RARB: variants seen among roughly 807,000 people sequenced by gnomAD.
RARB encodes the protein retinoic acid receptor beta.
A neutral mutation model predicts 51.9 loss-of-function variants in RARB; 17 were observed. That is an observed-to-expected ratio of 0.33 (90% CI 0.22 to 0.49). The LOEUF (loss-of-function observed/expected upper bound fraction) is 0.49. RARB is among the 20% of genes least tolerant of loss of function. The pLI is 0.99. For missense variants in RARB, 369 were observed against 550.8 expected (o/e 0.67, Z 3.30); for synonymous variants, 215 against 195.4 (o/e 1.10, Z -0.84).
intron 2 of RARB, among the ~76,000 whole-genome samples, chr3:24,867,617 C>T (rs1470190324): frequency 6.6e-6 from 1 of 152,092 alleles, no homozygotes; most frequent in Non-Finnish European, 1.5e-5. Context: ...AGCCTTTGGT[C>T]TCATGGGAAG....
At chr3:25,324,171 G>T (rs1192008966) in intron 5 of RARB, 2 of 152,630 alleles carry the variant, frequency 1.3e-5, no homozygotes, top group African/African-American at 2.4e-5. Flanking sequence ...TGGAAATGTA[G>T]ATTCCTGTGT....
At chr3:25,238,155 C>A (rs555370277) in intron 5 of RARB, among the ~76,000 whole-genome samples, 14 of 152,020 alleles carry the variant, frequency 9.2e-5, no homozygotes, top group African/African-American at 2.7e-4. Context: ...CCAGCGCCCC[C>A]CCACACATCC....
intron 5 of RARB, among the ~76,000 whole-genome samples, chr3:25,211,270 A>G (rs1251297084): frequency 6.6e-6 from 1 of 152,224 alleles, no homozygotes; most frequent in Non-Finnish European, 1.5e-5. Flanking sequence ...TGAACTGACA[A>G]CAGGGTGAGT....
intron 3 of RARB, among the ~76,000 whole-genome samples, chr3:25,091,737 C>G (rs1699203065): frequency 1.3e-5 from 2 of 152,118 alleles, no homozygotes; most frequent in East Asian, 1.9e-4. Context: ...ATGTGAACAT[C>G]TGTATAAAAA....
At chr3:24,984,936 T>C (rs1382027172) in intron 2 of RARB, among the ~76,000 whole-genome samples, 1 of 152,216 alleles carries the variant, frequency 6.6e-6, no homozygotes, top group African/African-American at 2.4e-5. Flanking sequence ...CACATGAGTT[T>C]CTCTGGGAAA....
intron 2 of RARB, among the ~76,000 whole-genome samples, chr3:25,471,119 G>T (rs1275478137): frequency 6.6e-6 from 1 of 152,080 alleles, no homozygotes; most frequent in African/African-American, 2.4e-5. Context: ...CATAGGGCTT[G>T]GGATGATACA....
intron 5 of RARB, among the ~76,000 whole-genome samples, chr3:25,302,514 C>A (rs1353381864): frequency 6.6e-6 from 1 of 152,106 alleles, no homozygotes; most frequent in Non-Finnish European, 1.5e-5. Context: ...TCACAAAGGC[C>A]CTATATTGTA....
intron 3 of RARB, among the ~76,000 whole-genome samples, chr3:25,104,366 A>G (rs1699458961): frequency 6.6e-6 from 1 of 152,152 alleles, no homozygotes; most frequent in African/African-American, 2.4e-5. Flanking sequence ...ATTCCTAGGT[A>G]TAAATAGGCA....
At chr3:25,310,082 TG>T (rs1704252433) in intron 5 of RARB, among the ~76,000 whole-genome samples, 1 of 152,180 alleles carries the variant, frequency 6.6e-6, no homozygotes, top group African/African-American at 2.4e-5. Context: ...CCTGTGAATT[TG>T]GAGTGAAAAT....
intron 2 of RARB, among the ~76,000 whole-genome samples, chr3:24,928,762 T>C (rs993102498): frequency 1.3e-5 from 2 of 152,024 alleles, no homozygotes; most frequent in African/African-American, 4.8e-5. Context: ...TTAGATTCTC[T>C]CCAATGATAA....
At chr3:25,341,903 A>G (rs767020192) in intron 5 of RARB, among the ~76,000 whole-genome samples, 6 of 151,792 alleles carry the variant, frequency 4.0e-5, no homozygotes, top group Admixed American at 6.6e-5. Context: ...TAATATCCTC[A>G]TTTTACTTTG....
chr3:25,478,605 T>C (rs77039298), intron 2 of RARB, among the ~76,000 whole-genome samples: 1 of 152,336 alleles, frequency 6.6e-6, no homozygotes, highest in African/African-American at 2.4e-5. Context: ...TAAGCTGCTG[T>C]GAGTGCGTTC....
At chr3:24,924,850 C>G (rs1278364381) in intron 2 of RARB, among the ~76,000 whole-genome samples, 3 of 152,086 alleles carry the variant, frequency 2.0e-5, no homozygotes, top group African/African-American at 7.2e-5. Context: ...CTTATCCTTA[C>G]AGGGGTGCTG....
intron 3 of RARB, among the ~76,000 whole-genome samples, chr3:25,502,286 G>A (rs1438775892): frequency 6.6e-6 from 1 of 152,226 alleles, no homozygotes; most frequent in Non-Finnish European, 1.5e-5. Context: ...AATGGAGTTG[G>A]AGGAATTACA....
intron 5 of RARB, among the ~76,000 whole-genome samples, chr3:25,306,859 T>C (rs917517033): frequency 6.6e-6 from 1 of 152,208 alleles, no homozygotes; most frequent in Non-Finnish European, 1.5e-5. Context: ...AAATCAGAAG[T>C]CATTTGTCTA....
intron 3 of RARB, among the ~76,000 whole-genome samples, chr3:25,551,199 A>G (rs1416224854): frequency 6.6e-6 from 1 of 152,134 alleles, no homozygotes; most frequent in Admixed American, 6.6e-5. Flanking sequence ...AGCAGTTCAC[A>G]AGGTATTATA....
At chr3:25,483,069 G>GCTA (rs1186683039) in intron 2 of RARB, among the ~76,000 whole-genome samples, 3 of 152,136 alleles carry the variant, frequency 2.0e-5, no homozygotes, top group African/African-American at 7.2e-5. Context: ...GTGGCTAGTG[G>GCTA]CTACTGTAGT....
intron 3 of RARB, among the ~76,000 whole-genome samples, chr3:25,552,735 A>G (rs962660472): frequency 5.5e-5 from 5 of 90,932 alleles, no homozygotes; most frequent in Admixed American, 2.4e-4. Context: ...AATGAAAGAA[A>G]GAATTTTGAA....
intron 5 of RARB, among the ~76,000 whole-genome samples, chr3:25,270,284 A>G (rs1703228195): frequency 6.6e-6 from 1 of 152,200 alleles, no homozygotes. Context: ...TATGTACAAC[A>G]GAATATTATT....
Sources: gnomAD v4.1 joint callset for allele counts (sites outside exome capture counted in the v4.1 genomes callset) on GRCh38, gnomAD v4.1.1 for gene constraint, MANE v1.5 for transcripts, NCBI Gene and HGNC (gene_info 2026-07-23, HGNC 2026-07-21) for gene names.